The following RABL3 variants were observed in gnomAD, a reference collection of about 807,000 sequenced individuals.
The protein encoded by RABL3 is rab-like protein 3.
RABL3 carries 31 observed loss-of-function variants against 31.8 expected under a neutral mutation model. The observed-to-expected ratio is 0.97, with a 90% CI of 0.73 to 1.31. The LOEUF is 1.31. RABL3 is among the 40% of genes most tolerant of loss of function. The pLI is 0.00. For synonymous variants in RABL3, 97 were observed against 99.9 expected, an observed-to-expected ratio of 0.97 and a Z score of 0.18; for missense variants, 263 against 279.6, an observed-to-expected ratio of 0.94 and a Z score of 0.42.
chr3:120,698,528 C>A lies in RABL3; in HGVS notation c.429G>T (p.Leu143Phe). Reference protein sequence around the residue: ...EQFADNQIPLLVIGTKLDQIH... With the variant: ...EQFADNQIPLFVIGTKLDQIH... The stretch of plus-strand genomic sequence containing the variant: ...TCTGGTCCAGTTTAGTCCCTATTAC[C>A]AACAGTGGTATTTGGTTATCAGCAA... The change falls in exon 5 of 8, where the codon TTG becomes TTT. Residue 143 changes from leucine to phenylalanine, a missense_variant. Coordinates refer to ENST00000273375, the MANE Select transcript of RABL3 (RefSeq NM_173825.5). The A allele has an allele frequency of 6.2e-7, 1 of 1,613,302 alleles. No homozygotes were observed. The highest frequency in any genetic ancestry group is 8.5e-7 in the Non-Finnish European group (1 of 1,179,432).
At chr3:120,717,959 T>C (rs1207628201) in intron 2 of RABL3, among the ~76,000 whole-genome samples, 2 of 152,160 alleles carry the variant, frequency 1.3e-5, no homozygotes, top group Non-Finnish European at 2.9e-5. Flanking sequence ...TTTGGAAACT[T>C]TGCCACCAGC....
At chr3:120,709,569 A>C (rs538791018) in intron 3 of RABL3, among the ~76,000 whole-genome samples, 6 of 138,364 alleles carry the variant, frequency 4.3e-5, no homozygotes, top group Admixed American at 3.6e-4. Flanking sequence ...ACAATAATAT[A>C]AATAGAAACA....
intron 1 of RABL3, among the ~76,000 whole-genome samples, chr3:120,732,725 C>G (rs1421490138): frequency 6.9e-6 from 1 of 144,056 alleles, no homozygotes; most frequent in South Asian, 2.5e-4. Context: ...CCCCCTACCC[C>G]ACAACAGGCC....
At chr3:120,690,381 T>G (rs1199211569) in intron 7 of RABL3, 68 bp downstream of exon 7, 1 of 1,179,844 alleles carries the variant, frequency 8.5e-7, no homozygotes, top group Non-Finnish European at 1.3e-6. Flanking sequence ...AAACTACTTC[T>G]GAACTTAAAT....
chr3:120,731,451 C>T (rs984537665), intron 1 of RABL3, among the ~76,000 whole-genome samples: 4 of 152,164 alleles, frequency 2.6e-5, no homozygotes, highest in African/African-American at 9.7e-5. Context: ...TACATCATGG[C>T]CCTTTAAGTC....
At chr3:120,693,821 C>T (rs571142854) in intron 6 of RABL3, among the ~76,000 whole-genome samples, 2 of 152,014 alleles carry the variant, frequency 1.3e-5, no homozygotes, top group African/African-American at 4.8e-5. Flanking sequence ...CAGTTCAGTG[C>T]CTTTATGGGG....
At chr3:120,722,771 C>A (rs1234971047) in intron 2 of RABL3, 3 of 151,950 alleles carry the variant, frequency 2.0e-5, no homozygotes, top group African/African-American at 7.3e-5. Context: ...CACAACATAC[C>A]AGAATCTCTG....
At chr3:120,712,770 A>G (rs1708626453) in intron 2 of RABL3, among the ~76,000 whole-genome samples, 1 of 152,214 alleles carries the variant, frequency 6.6e-6, no homozygotes, top group South Asian at 2.1e-4. Flanking sequence ...CATGTTTATT[A>G]AATACATGAA....
intron 2 of RABL3, chr3:120,722,381 T>G (rs1204618059): frequency 6.6e-6 from 1 of 152,184 alleles, no homozygotes; most frequent in African/African-American, 2.4e-5. Context: ...CCTCTATGAC[T>G]TTTTCAACAA....
In RABL3 at chr3:120,709,928, A is replaced by G. The variant is rs751231393; in HGVS notation, c.139-19T>C. On this transcript the variant is annotated intron_variant, in intron 2 of 7. Coordinates refer to ENST00000273375, the MANE Select transcript of RABL3 (RefSeq NM_173825.5). ...CATGAACCTAACAAATCAATCAATT[A>G]AAATAATTAATATAGCCACTAAACA... is the stretch of plus-strand genomic sequence containing the variant. 1 of 1,566,792 alleles carries G rather than the reference A, an allele frequency of 6.4e-7. No homozygotes were observed. Among genetic ancestry groups the G allele is most frequent in the Non-Finnish European group, 8.7e-7 (1 of 1,151,488 alleles).
chr3:120,699,435 A>G (rs894814012), intron 4 of RABL3, among the ~76,000 whole-genome samples: 1 of 152,206 alleles, frequency 6.6e-6, no homozygotes, highest in Non-Finnish European at 1.5e-5. Flanking sequence ...TGAAAAGAAC[A>G]CAGAGGCCAT....
intron 1 of RABL3, among the ~76,000 whole-genome samples, chr3:120,732,531 A>C (rs1266850742): frequency 6.6e-6 from 1 of 152,190 alleles, no homozygotes; most frequent in Non-Finnish European, 1.5e-5. Context: ...AATGCCCTGT[A>C]TAAAGAAATA....
chr3:120,704,852 C>G (rs185165148), intron 4 of RABL3, among the ~76,000 whole-genome samples: 9 of 152,234 alleles, frequency 5.9e-5, no homozygotes, highest in African/African-American at 2.2e-4. Context: ...CGAGATCAGC[C>G]TTGCCAAGAT....
At chr3:120,720,451 A>G (rs1382810133) in intron 2 of RABL3, among the ~76,000 whole-genome samples, 1 of 152,182 alleles carries the variant, frequency 6.6e-6, no homozygotes, top group African/African-American at 2.4e-5. Context: ...AGATTAGATG[A>G]AAGGCTAACT....
chr3:120,729,129 A>T (rs1427768703), intron 2 of RABL3, among the ~76,000 whole-genome samples: 2 of 152,192 alleles, frequency 1.3e-5, no homozygotes, highest in Admixed American at 1.3e-4. Flanking sequence ...AACATTGTCC[A>T]TAGGCTCAGG....
At chr3:120,735,740 C>T (rs1043902911) in intron 1 of RABL3, among the ~76,000 whole-genome samples, 3 of 152,128 alleles carry the variant, frequency 2.0e-5, no homozygotes, top group Non-Finnish European at 2.9e-5. Flanking sequence ...TTCTGGTATG[C>T]TGTGTCTTTG....
chr3:120,728,605 T>C, intron 2 of RABL3, among the ~76,000 whole-genome samples: 1 of 152,166 alleles, frequency 6.6e-6, no homozygotes, highest in African/African-American at 2.4e-5. Flanking sequence ...TAATGCTAAA[T>C]GACGAGTTAA....
At chr3:120,712,116 C>T (rs1708619260) in intron 2 of RABL3, among the ~76,000 whole-genome samples, 1 of 152,128 alleles carries the variant, frequency 6.6e-6, no homozygotes, top group African/African-American at 2.4e-5. Flanking sequence ...TAATGCTTTA[C>T]ACTTTTACTT....
chr3:120,694,330 G>T, intron 5 of RABL3, 106 bp from the exon 6 acceptor site: 1 of 643,404 alleles, frequency 1.6e-6, no homozygotes, highest in South Asian at 2.3e-5. Context: ...ATACTATTAG[G>T]CACAATACTC....
Sources: allele counts gnomAD v4.1 joint callset (sites outside exome capture counted in the v4.1 genomes callset), GRCh38; gene constraint gnomAD v4.1.1; transcripts MANE v1.5; gene names NCBI Gene and HGNC (gene_info 2026-07-23, HGNC 2026-07-21).